The following NRG1 variants were observed in gnomAD, a reference collection of about 807,000 sequenced individuals.
The protein encoded by NRG1 is pro-neuregulin-1, membrane-bound isoform.
Under a neutral mutation model 63.8 loss-of-function variants are expected in NRG1, and 18 were observed. The observed-to-expected ratio is 0.28, with a 90% CI of 0.19 to 0.42. NRG1 has a LOEUF of 0.42. Among genes scored for constraint, NRG1 ranks in the 10% least tolerant of loss-of-function variants. The pLI, the probability that NRG1 is intolerant of heterozygous loss-of-function variation, is 1.00. For missense variants in NRG1, 762 were observed against 814.7 expected (o/e 0.94, Z 0.79); for synonymous variants, 302 against 301.3 (o/e 1.00, Z -0.02).
At chr8:31,979,897 C>A (rs1337006269) in intron 1 of NRG1, among the ~76,000 whole-genome samples, 2 of 152,074 alleles carry the variant, frequency 1.3e-5, no homozygotes, top group Non-Finnish European at 2.9e-5. Flanking sequence ...TCCTCAGCAT[C>A]TGATTGGAAT....
chr8:32,098,790 G>A (rs533327478), intron 1 of NRG1: 1 of 152,292 alleles, frequency 6.6e-6, no homozygotes, highest in South Asian at 2.1e-4. Flanking sequence ...AATTGTTGCA[G>A]AAGATGATGA....
intron 1 of NRG1, among the ~76,000 whole-genome samples, chr8:32,052,326 A>T (rs1278221044): frequency 3.1e-5 from 4 of 130,576 alleles, no homozygotes; most frequent in African/African-American, 1.2e-4. Flanking sequence ...CCCAGGCTGG[A>T]GTCCAGTGGT....
chr8:32,741,155 A>ATAT (rs1826233042), intron 6 of NRG1, among the ~76,000 whole-genome samples: 1 of 152,228 alleles, frequency 6.6e-6, no homozygotes, highest in African/African-American at 2.4e-5. Flanking sequence ...AAGAGCTTCC[A>ATAT]TATTTAAGCA....
intron 1 of NRG1, among the ~76,000 whole-genome samples, chr8:31,946,329 G>A (rs139999249): frequency 2.6e-5 from 4 of 152,230 alleles, no homozygotes; most frequent in Non-Finnish European, 5.9e-5. Flanking sequence ...AAGAGAGTAC[G>A]ATGAGAAGAG....
chr8:31,843,543 G>T (rs1256126791), intron 1 of NRG1, among the ~76,000 whole-genome samples: 2 of 152,144 alleles, frequency 1.3e-5, no homozygotes, highest in South Asian at 2.1e-4. Context: ...GGTGCTTTCT[G>T]GTTCTGGGGC....
intron 1 of NRG1, among the ~76,000 whole-genome samples, chr8:31,956,517 G>A (rs951885069): frequency 1.3e-5 from 2 of 151,988 alleles, no homozygotes; most frequent in Non-Finnish European, 2.9e-5. Context: ...CCAGCTACTC[G>A]AGAAGCTGAG....
chr8:32,173,670 A>G (rs949901406), intron 1 of NRG1, among the ~76,000 whole-genome samples: 5 of 152,234 alleles, frequency 3.3e-5, no homozygotes, highest in Admixed American at 1.3e-4. Flanking sequence ...TGGAAAACAA[A>G]AAAAGGCAGG....
chr8:31,884,556 T>C (rs1830580741), intron 1 of NRG1, among the ~76,000 whole-genome samples: 1 of 152,102 alleles, frequency 6.6e-6, no homozygotes, highest in African/African-American at 2.4e-5. Flanking sequence ...ACCACTCCCT[T>C]TTTGCCTTCA....
chr8:32,037,469 A>G (rs1206608266), intron 1 of NRG1, among the ~76,000 whole-genome samples: 1 of 152,176 alleles, frequency 6.6e-6, no homozygotes, highest in Non-Finnish European at 1.5e-5. Flanking sequence ...GGTGTCCTGC[A>G]CTCAGGAGAA....
intron 1 of NRG1, among the ~76,000 whole-genome samples, chr8:31,808,820 C>T (rs1230381409): frequency 6.6e-6 from 1 of 152,002 alleles, no homozygotes; most frequent in Non-Finnish European, 1.5e-5. Context: ...TTAAACTTTG[C>T]AGCAGAGATT....
chr8:32,458,711 A>G (rs1236385708), intron 1 of NRG1, among the ~76,000 whole-genome samples: 2 of 152,172 alleles, frequency 1.3e-5, no homozygotes, highest in Non-Finnish European at 2.9e-5. Context: ...TCTATGTGAA[A>G]CAAATAAATG....
chr8:31,846,834 G>A (rs1246675104), intron 1 of NRG1, among the ~76,000 whole-genome samples: 2 of 152,136 alleles, frequency 1.3e-5, no homozygotes, highest in Non-Finnish European at 2.9e-5. Context: ...GGATTGGTGA[G>A]GCTGAAGAAA....
At chr8:32,028,224 TG>T (rs1418730977) in intron 1 of NRG1, among the ~76,000 whole-genome samples, 2 of 152,216 alleles carry the variant, frequency 1.3e-5, no homozygotes, top group Non-Finnish European at 2.9e-5. Flanking sequence ...ACCGTTTTTT[TG>T]GCCTCACTAT....
intron 1 of NRG1, among the ~76,000 whole-genome samples, chr8:31,655,922 C>T (rs758582364): frequency 6.6e-6 from 1 of 152,184 alleles, no homozygotes; most frequent in Non-Finnish European, 1.5e-5. Context: ...AAATTGTATG[C>T]ACAGTAGGTG....
intron 1 of NRG1, among the ~76,000 whole-genome samples, chr8:32,593,883 C>CA (rs1449556861): frequency 1.5e-5 from 2 of 130,032 alleles, no homozygotes; most frequent in African/African-American, 5.7e-5. Context: ...AAGAACCAGA[C>CA]AAAATATTCA....
At chr8:32,103,364 C>A (rs769417417) in intron 1 of NRG1, among the ~76,000 whole-genome samples, 10 of 152,154 alleles carry the variant, frequency 6.6e-5, no homozygotes, top group Non-Finnish European at 8.8e-5. Context: ...ATAACAGGAT[C>A]TCATTGTTTT....
At position 32,110,342 on chromosome 8, in the gene NRG1, G is replaced by A. The variant is rs77670127; in HGVS notation, c.37+470911G>A. On this transcript the variant is annotated intron_variant, in intron 1 of 10. Transcript: ENST00000519301. ...GCTAAGAGAAGAAAGTCAAAGGAAAGGAGAGAAGGGGAGAATGGAAGGAGA... is the reference window on the plus strand; with the variant it reads ...GCTAAGAGAAGAAAGTCAAAGGAAAAGAGAGAAGGGGAGAATGGAAGGAGA... Among the ~76,000 whole-genome samples the A allele has an allele frequency of 0.011, 1,725 of 152,186 alleles. 165 individuals carry two copies. In the East Asian group the frequency reaches 0.26, roughly 23 times the overall value.
intron 1 of NRG1, among the ~76,000 whole-genome samples, chr8:31,809,627 T>A (rs914161952): frequency 6.6e-6 from 1 of 151,162 alleles, no homozygotes; most frequent in Non-Finnish European, 1.5e-5. Flanking sequence ...ATATTTTAAA[T>A]GTTTCTTTTT....
chr8:31,708,072 A>G (rs909567774), intron 1 of NRG1, among the ~76,000 whole-genome samples: 5 of 152,146 alleles, frequency 3.3e-5, no homozygotes, highest in South Asian at 2.1e-4. Context: ...TTAATGAAGT[A>G]TCCATCTGTA....
Sources: gnomAD v4.1 joint callset for allele counts (sites outside exome capture counted in the v4.1 genomes callset) on GRCh38, gnomAD v4.1.1 for gene constraint, MANE v1.5 for transcripts, NCBI Gene and HGNC (gene_info 2026-07-23, HGNC 2026-07-21) for gene names.